The following SLC25A21 variants were observed in gnomAD, a reference collection of about 807,000 sequenced individuals.
The protein encoded by SLC25A21 is mitochondrial 2-oxodicarboxylate carrier.
Under a neutral mutation model 43.8 loss-of-function variants are expected in SLC25A21, and 47 were observed. That is an observed-to-expected ratio of 1.07 (90% CI 0.85 to 1.37). The LOEUF (loss-of-function observed/expected upper bound fraction) is 1.37. Ranked by LOEUF, SLC25A21 falls within the 40% of genes most tolerant of loss-of-function variation. SLC25A21 has a pLI of 0.00. For missense variants in SLC25A21, 352 were observed against 350.2 expected (o/e 1.00, Z -0.04); for synonymous variants, 131 against 121.3 (o/e 1.08, Z -0.52).
intron 3 of SLC25A21, among the ~76,000 whole-genome samples, chr14:36,781,811 T>C (rs1425391452): frequency 6.6e-6 from 1 of 152,234 alleles, no homozygotes; most frequent in Non-Finnish European, 1.5e-5. Context: ...TGAATTTGAC[T>C]ATATATTTAC....
At chr14:36,887,201 T>C (rs1424805353) in intron 1 of SLC25A21, among the ~76,000 whole-genome samples, 1 of 91,614 alleles carries the variant, frequency 1.1e-5, no homozygotes, top group Non-Finnish European at 2.4e-5. Flanking sequence ...TGCATGCACA[T>C]GTGTGTCTAC....
chr14:37,010,507 C>T (rs914944180), intron 1 of SLC25A21, among the ~76,000 whole-genome samples: 1 of 152,064 alleles, frequency 6.6e-6, no homozygotes, highest in African/African-American at 2.4e-5. Context: ...CAGGCTGGTG[C>T]TAAACTGGCA....
chr14:36,681,122 TAATTGCATTCA>T (rs916745658), intron 9 of SLC25A21, among the ~76,000 whole-genome samples: 4 of 152,202 alleles, frequency 2.6e-5, no homozygotes, highest in Non-Finnish European at 5.9e-5. Context: ...TTAGCAGTCT[TAATTGCATTCA>T]AGAAGAAAAT....
intron 1 of SLC25A21, among the ~76,000 whole-genome samples, chr14:36,961,118 T>A (rs1566773223): frequency 6.6e-6 from 1 of 151,626 alleles, no homozygotes; most frequent in Non-Finnish European, 1.5e-5. Flanking sequence ...CACAATCAAT[T>A]AAAAAAGCCC....
intron 1 of SLC25A21, among the ~76,000 whole-genome samples, chr14:36,927,256 T>A (rs550649206): frequency 2.4e-4 from 36 of 152,328 alleles, no homozygotes; most frequent in African/African-American, 8.2e-4. Flanking sequence ...ACCCTAAATG[T>A]ATATTCCCAG....
At chr14:36,701,764 A>G (rs1024132912) in intron 7 of SLC25A21, among the ~76,000 whole-genome samples, 2 of 152,138 alleles carry the variant, frequency 1.3e-5, no homozygotes, top group African/African-American at 2.4e-5. Flanking sequence ...AGAATACAGG[A>G]AAGTATTTAT....
intron 1 of SLC25A21, among the ~76,000 whole-genome samples, chr14:37,022,618 C>G (rs542311959): frequency 6.6e-6 from 1 of 152,038 alleles, no homozygotes; most frequent in Admixed American, 6.6e-5. Flanking sequence ...ATTTTGTCTA[C>G]GAGTTTTGCT....
chr14:36,764,085 AAG>A (rs1886283090), intron 3 of SLC25A21, among the ~76,000 whole-genome samples: 2 of 55,616 alleles, frequency 3.6e-5, no homozygotes, highest in Admixed American at 2.3e-4. Context: ...AGAAAGAAGG[AAG>A]GAAGGAAGGA....
chr14:36,862,172 T>A (rs1890085495), intron 2 of SLC25A21, among the ~76,000 whole-genome samples: 1 of 152,172 alleles, frequency 6.6e-6, no homozygotes, highest in African/African-American at 2.4e-5. Flanking sequence ...GGGTGTAAAC[T>A]AGTTCAGCCA....
At chr14:37,084,255 G>A (rs546052189) in intron 1 of SLC25A21, among the ~76,000 whole-genome samples, 29 of 152,170 alleles carry the variant, frequency 1.9e-4, no homozygotes, top group Middle Eastern at 6.8e-3. Context: ...TCTCAAACTC[G>A]CTTGTGATAT....
chr14:37,079,182 C>T (rs1349237472), intron 1 of SLC25A21, among the ~76,000 whole-genome samples: 2 of 152,204 alleles, frequency 1.3e-5, no homozygotes, highest in East Asian at 3.9e-4. Context: ...CCACGTACAA[C>T]TGGTCACCCT....
intron 3 of SLC25A21, among the ~76,000 whole-genome samples, chr14:36,796,940 C>T (rs542516020): frequency 2.0e-4 from 30 of 152,272 alleles, no homozygotes; most frequent in African/African-American, 5.8e-4. Context: ...CACTCCTTAG[C>T]GGCCTTTAAC....
Position 37,056,865 on chromosome 14 carries a change from T to C in SLC25A21, c.70+115416A>G, listed in dbSNP as rs118023503. 5.8e-3 allele frequency among the ~76,000 whole-genome samples: 882 copies of C among 152,344 alleles called. 9 individuals are homozygous for C. The highest frequency in any genetic ancestry group is 6.4e-3 in the Non-Finnish European group (438 of 68,030). The stretch of plus-strand genomic sequence containing the variant: ...CAAAAATCTTTATCTGGACATGGTA[T>C]TGATTTTAACCCTGGATCCATAAAG... On this transcript the variant is annotated intron_variant, in intron 1 of 9. Coordinates refer to ENST00000331299, the MANE Select transcript of SLC25A21 (RefSeq NM_030631.4).
chr14:36,831,673 A>G (rs1889045608), intron 2 of SLC25A21, among the ~76,000 whole-genome samples: 1 of 152,208 alleles, frequency 6.6e-6, no homozygotes, highest in Admixed American at 6.5e-5. Context: ...TAAAATAAAA[A>G]AGGCTCCACA....
chr14:37,122,405 A>G (rs56184135), intron 1 of SLC25A21, among the ~76,000 whole-genome samples: 20,993 of 152,144 alleles, frequency 0.14, 3,294 homozygotes, highest in African/African-American at 0.37. Flanking sequence ...TCAAAAGAAA[A>G]TAAGGAACAC....
chr14:36,897,205 T>C (rs1891266298), intron 1 of SLC25A21, among the ~76,000 whole-genome samples: 1 of 152,234 alleles, frequency 6.6e-6, no homozygotes, highest in Non-Finnish European at 1.5e-5. Context: ...TCTTTTCACA[T>C]AGTCCCATAT....
At chr14:36,708,626 A>T (rs1883683468) in intron 7 of SLC25A21, among the ~76,000 whole-genome samples, 1 of 152,150 alleles carries the variant, frequency 6.6e-6, no homozygotes, top group Non-Finnish European at 1.5e-5. Flanking sequence ...TTGTAGAGAC[A>T]GGGTCTCACT....
chr14:37,047,602 T>A (rs1335807025), intron 1 of SLC25A21, among the ~76,000 whole-genome samples: 1 of 152,116 alleles, frequency 6.6e-6, no homozygotes, highest in Non-Finnish European at 1.5e-5. Flanking sequence ...CAGAAACACA[T>A]AAAGTATGTA....
chr14:36,696,166 C>T (rs1281181414), intron 7 of SLC25A21, among the ~76,000 whole-genome samples: 1 of 152,160 alleles, frequency 6.6e-6, no homozygotes, highest in East Asian at 1.9e-4. Flanking sequence ...TTGAGATAAT[C>T]ATGTGGTTTT....
Sources: allele counts gnomAD v4.1 joint callset (sites outside exome capture counted in the v4.1 genomes callset), GRCh38; gene constraint gnomAD v4.1.1; transcripts MANE v1.5; gene names NCBI Gene and HGNC (gene_info 2026-07-23, HGNC 2026-07-21).